Variants in NCKAP5 observed in about 807,000 individuals in gnomAD.
The protein encoded by NCKAP5 is nck-associated protein 5.
NCKAP5 carries 92 observed loss-of-function variants against 167.0 expected under a neutral mutation model. That is an observed-to-expected ratio of 0.55 (90% CI 0.47 to 0.66). NCKAP5 has a LOEUF of 0.66. NCKAP5 is among the 30% of genes least tolerant of loss of function. The probability of loss-of-function intolerance (pLI) is 0.00; values close to 1 mark genes in which losing one functional copy is unlikely to be tolerated. For missense variants in NCKAP5, 2,378 were observed against 2,315.0 expected, an observed-to-expected ratio of 1.03 and a Z score of -0.56; for synonymous variants, 891 against 877.4, an observed-to-expected ratio of 1.02 and a Z score of -0.27.
At chr2:133,226,604 A>AACACACACACACACACACACACAC (rs3051222) in intron 4 of NCKAP5, among the ~76,000 whole-genome samples, 1 of 139,182 alleles carries the variant, frequency 7.2e-6, no homozygotes, top group African/African-American at 2.7e-5. Context: ...TTTGAAGATA[A>AACACACACACACACACACACACAC]ACACACACAC....
At chr2:133,598,513 T>C in the NCKAP5 span, among the ~76,000 whole-genome samples, 3 of 152,210 alleles carry the variant, frequency 2.0e-5, no homozygotes, top group Non-Finnish European at 2.9e-5. Context: ...CTTAGCCCTG[T>C]GGCTTTTATA....
intron 4 of NCKAP5, among the ~76,000 whole-genome samples, chr2:133,266,888 G>C (rs923602092): frequency 6.6e-6 from 1 of 152,132 alleles, no homozygotes; most frequent in African/African-American, 2.4e-5. Context: ...CGGGCGGCTC[G>C]GCTTGCGCTC....
At chr2:133,385,280 C>G (rs1016675392) in intron 3 of NCKAP5, among the ~76,000 whole-genome samples, 3 of 152,134 alleles carry the variant, frequency 2.0e-5, no homozygotes, top group African/African-American at 7.2e-5. Flanking sequence ...TTGTCAAAGG[C>G]CTTTTCTGCA....
intron 16 of NCKAP5, 46 bp downstream of exon 16, chr2:132,773,770 T>A (rs753067701): frequency 1.2e-5 from 17 of 1,432,460 alleles, no homozygotes; most frequent in Non-Finnish European, 1.7e-5. Context: ...AAGGATACAT[T>A]TAGAATAAGT....
intron 6 of NCKAP5, among the ~76,000 whole-genome samples, chr2:133,028,890 T>C (rs1234033275): frequency 6.6e-6 from 1 of 152,030 alleles, no homozygotes; most frequent in Non-Finnish European, 1.5e-5. Flanking sequence ...TCTCATGAGA[T>C]CTGGTCCTTT....
At chr2:132,947,547 T>C (rs1697844328) in intron 8 of NCKAP5, among the ~76,000 whole-genome samples, 2 of 152,172 alleles carry the variant, frequency 1.3e-5, no homozygotes, top group South Asian at 4.1e-4. Context: ...TATCTTGGCT[T>C]ATCATCCCTT....
intron 6 of NCKAP5, among the ~76,000 whole-genome samples, chr2:133,102,170 G>A (rs925092816): frequency 9.3e-5 from 14 of 151,132 alleles, no homozygotes; most frequent in Admixed American, 2.6e-4. Context: ...TTTTTGAAAC[G>A]GAGTCTCCCT....
At chr2:133,143,098 T>G (rs532673574) in intron 5 of NCKAP5, among the ~76,000 whole-genome samples, 2 of 152,222 alleles carry the variant, frequency 1.3e-5, no homozygotes, top group South Asian at 2.1e-4. Flanking sequence ...AAACGTGTTT[T>G]TTTTTTAACC....
chr2:132,785,007 A>G lies in NCKAP5; in HGVS notation c.1804T>C (p.Ser602Pro). 1 of 1,613,964 alleles carries G rather than the reference A, an allele frequency of 6.2e-7. No individual in the cohort carries two copies. The highest frequency in any genetic ancestry group is 1.1e-5 in the South Asian group (1 of 91,064). Residue 602 changes from serine (S) to proline (P), a missense_variant, in exon 14 of 20, where the codon TCA becomes CCA. Ser to Pro is a moderately conservative substitution (Grantham distance 74, BLOSUM62 -1). This residue lies in a region of NCKAP5 where 1,049 missense variants were observed against 1,023.4 expected (regional missense o/e 1.02). Coordinates refer to ENST00000409261, the MANE Select transcript of NCKAP5 (RefSeq NM_207363.3). ...GTGTCGGCAGCCAATGACACGTCTG[A>G]AGGACTTTTCTCATCACTGCTCTCT... is the stretch of plus-strand genomic sequence containing the variant. ...HIESSDEKSP[S>P]DVSLAADTDK...
chr2:132,798,630 A>G (rs906954268), intron 11 of NCKAP5, among the ~76,000 whole-genome samples: 2 of 152,206 alleles, frequency 1.3e-5, no homozygotes. Context: ...GAATATATGC[A>G]TCTAAAAACC....
chr2:132,922,262 G>A (rs1281497526), intron 8 of NCKAP5, among the ~76,000 whole-genome samples: 1 of 152,164 alleles, frequency 6.6e-6, no homozygotes, highest in Non-Finnish European at 1.5e-5. Context: ...AAAGCTCAGA[G>A]ACCAAGAAAC....
intron 5 of NCKAP5, among the ~76,000 whole-genome samples, chr2:133,172,497 G>A (rs1009895132): frequency 6.6e-6 from 1 of 152,184 alleles, no homozygotes; most frequent in African/African-American, 2.4e-5. Flanking sequence ...TTGAGACTGA[G>A]TTTCACTCTT....
At chr2:132,989,228 G>A (rs926068286) in intron 7 of NCKAP5, among the ~76,000 whole-genome samples, 2 of 152,222 alleles carry the variant, frequency 1.3e-5, no homozygotes, top group East Asian at 3.8e-4. Flanking sequence ...GCAGATGAAT[G>A]TGATGGAATG....
At chr2:132,852,119 A>G (rs1052697557) in intron 11 of NCKAP5, among the ~76,000 whole-genome samples, 2 of 152,184 alleles carry the variant, frequency 1.3e-5, no homozygotes, top group Non-Finnish European at 2.9e-5. Context: ...TATTTATCCA[A>G]AACTCAGAAT....
At chr2:132,791,283 A>G (rs1684049735) in intron 12 of NCKAP5, among the ~76,000 whole-genome samples, 1 of 152,216 alleles carries the variant, frequency 6.6e-6, no homozygotes, top group African/African-American at 2.4e-5. Context: ...CACTGTAAAT[A>G]TAATAGTGCT....
At chr2:133,604,382 T>C in the NCKAP5 span, among the ~76,000 whole-genome samples, 56 of 152,016 alleles carry the variant, frequency 3.7e-4, no homozygotes, top group Admixed American at 1.2e-3. Context: ...ATTTTTGTAT[T>C]TTTAGTAGAG....
At chr2:132,717,827 G>A (rs986514656) in intron 19 of NCKAP5, among the ~76,000 whole-genome samples, 5 of 152,256 alleles carry the variant, frequency 3.3e-5, no homozygotes, top group South Asian at 2.1e-4. Context: ...ATCATCAAGC[G>A]GCTGGGGGAC....
intron 9 of NCKAP5, among the ~76,000 whole-genome samples, chr2:132,877,571 G>C (rs770758655): frequency 2.6e-5 from 4 of 152,164 alleles, no homozygotes; most frequent in Non-Finnish European, 5.9e-5. Context: ...GGCCCTAGGG[G>C]AGGCTGACGC....
the NCKAP5 span, among the ~76,000 whole-genome samples, chr2:133,634,891 A>G: frequency 6.7e-6 from 1 of 150,216 alleles, no homozygotes; most frequent in Non-Finnish European, 1.5e-5. Flanking sequence ...TTTTTTAGAC[A>G]GAGTCTCACT....
Sources: gnomAD v4.1 joint callset for allele counts (sites outside exome capture counted in the v4.1 genomes callset) on GRCh38, gnomAD v4.1.1 for gene constraint, gnomAD v4.1.1 regional missense constraint, MANE v1.5 for transcripts, NCBI Gene and HGNC (gene_info 2026-07-23, HGNC 2026-07-21) for gene names.